BANK1: variants seen among roughly 807,000 people sequenced by gnomAD.
The protein encoded by BANK1 is B cell scaffold protein with ankyrin repeats 1, also known as B-cell scaffold protein with ankyrin repeats.
A neutral mutation model predicts 94.5 loss-of-function variants in BANK1; 95 were observed. The ratio of observed to expected loss-of-function variants is 1.00; its 90% confidence interval spans 0.85 to 1.19. The LOEUF (loss-of-function observed/expected upper bound fraction) is 1.19, where lower values mean the gene tolerates loss of function less well. Among genes scored for constraint, BANK1 ranks in the 50% most tolerant of loss-of-function variants. The pLI is 0.00. For synonymous variants in BANK1, 334 were observed against 308.4 expected (o/e 1.08, Z -0.87); for missense variants, 987 against 932.2 (o/e 1.06, Z -0.77).
chr4:101,895,360 CATATT>C lies in BANK1; in HGVS notation c.962_966del (p.Tyr321Ter), dbSNP rs1560621283. The C allele has an allele frequency of 7.5e-6, 12 of 1,593,990 alleles. No individual in the cohort carries two copies. The highest frequency in any genetic ancestry group is 1.0e-5 in the Non-Finnish European group (12 of 1,170,256). The stretch of plus-strand genomic sequence containing the variant: ...ACATCCATATTCAAACATGAGATAC[CATATT>C]ATGAGTTCCAGTCTCTTCAAACTGA... On this transcript the variant is annotated frameshift_variant, in exon 6 of 17. Coordinates refer to ENST00000322953, the MANE Select transcript of BANK1 (RefSeq NM_017935.5). LOFTEE classifies it high-confidence loss of function.
At chr4:101,910,375 C>T (rs879572522) in intron 6 of BANK1, among the ~76,000 whole-genome samples, 7 of 151,998 alleles carry the variant, frequency 4.6e-5, no homozygotes, top group African/African-American at 9.7e-5. Context: ...CATCTGTGTC[C>T]TTGAATTAAA....
intron 2 of BANK1, among the ~76,000 whole-genome samples, chr4:101,836,783 T>TCC (rs552980538): frequency 1.6e-3 from 248 of 152,322 alleles, no homozygotes; most frequent in African/African-American, 5.9e-3. Context: ...TCTGTACTCT[T>TCC]CAACAGTATT....
At chr4:102,066,279 CAG>C (rs1338088066) in intron 13 of BANK1, among the ~76,000 whole-genome samples, 1 of 143,240 alleles carries the variant, frequency 7.0e-6, no homozygotes, top group Non-Finnish European at 1.5e-5. Context: ...TTTCTCAAGA[CAG>C]AGTCTCGCTC....
At chr4:101,877,179 A>G (rs1250206908) in intron 5 of BANK1, among the ~76,000 whole-genome samples, 2 of 152,194 alleles carry the variant, frequency 1.3e-5, no homozygotes, top group Non-Finnish European at 2.9e-5. Flanking sequence ...AGAGAAAGAT[A>G]TCAATGTCCA....
At chr4:102,063,167 A>ATAAT (rs1167702040) in intron 13 of BANK1, 29 bp downstream of exon 13, 1 of 1,579,286 alleles carries the variant, frequency 6.3e-7, no homozygotes, top group East Asian at 2.2e-5. Context: ...CTATTCAAAA[A>ATAAT]TAATAGAGTG....
At chr4:101,990,803 G>A (rs1725677225) in intron 7 of BANK1, among the ~76,000 whole-genome samples, 1 of 151,990 alleles carries the variant, frequency 6.6e-6, no homozygotes, top group African/African-American at 2.4e-5. Context: ...AGAAAATTTA[G>A]GCAAATTATT....
At chr4:101,802,313 A>G (rs1260713612) in intron 1 of BANK1, among the ~76,000 whole-genome samples, 1 of 152,262 alleles carries the variant, frequency 6.6e-6, no homozygotes, top group Non-Finnish European at 1.5e-5. Context: ...CTTTAGTGAC[A>G]TAATCAGAAT....
intron 7 of BANK1, among the ~76,000 whole-genome samples, chr4:101,940,721 G>T (rs1187462026): frequency 6.6e-6 from 1 of 151,790 alleles, no homozygotes; most frequent in Non-Finnish European, 1.5e-5. Context: ...GTTCTGAGGA[G>T]AAAGACCATG....
intron 7 of BANK1, among the ~76,000 whole-genome samples, chr4:101,975,442 G>T (rs908975041): frequency 1.3e-5 from 2 of 152,160 alleles, no homozygotes; most frequent in Admixed American, 6.5e-5. Context: ...GTTCATTAGA[G>T]AGATTGTAGA....
chr4:102,061,314 A>C (rs1173462896), intron 12 of BANK1: 1 of 152,224 alleles, frequency 6.6e-6, no homozygotes, highest in Non-Finnish European at 1.5e-5. Context: ...AGTACATCTG[A>C]GATCATGCCT....
chr4:101,903,420 C>T (rs1404343240), intron 6 of BANK1, among the ~76,000 whole-genome samples: 1 of 152,022 alleles, frequency 6.6e-6, no homozygotes, highest in African/African-American at 2.4e-5. Flanking sequence ...ATCATAGTAG[C>T]AATTTGATGT....
intron 5 of BANK1, among the ~76,000 whole-genome samples, chr4:101,888,507 TA>T (rs1728936193): frequency 6.6e-6 from 1 of 152,198 alleles, no homozygotes; most frequent in Admixed American, 6.5e-5. Flanking sequence ...ATTCTTTACT[TA>T]AATACTATTT....
In BANK1 at chr4:101,790,739, C is replaced by A; in HGVS notation, c.-142C>A. ...CGGGGCTGCGTTTCCTGAGACCTGG[C>A]CGCAGCCTCCGCGGGTGGCAAGCGG... is the stretch of plus-strand genomic sequence containing the variant. On this transcript the variant is annotated 5_prime_UTR_variant, in exon 1 of 17. Transcript: ENST00000322953. 4.4e-6 allele frequency: 4 copies of A among 902,470 alleles called. No homozygotes were observed. Among genetic ancestry groups the A allele is most frequent in the Middle Eastern group, 3.0e-4 (1 of 3,282 alleles). 55.9% of individuals were successfully genotyped at this position (902,470 alleles called of 1,614,324 possible).
At chr4:101,911,509 G>A (rs1357964619) in intron 6 of BANK1, among the ~76,000 whole-genome samples, 1 of 149,700 alleles carries the variant, frequency 6.7e-6, no homozygotes, top group Non-Finnish European at 1.5e-5. Context: ...TTAGGAAGAA[G>A]CCCCATTGGG....
chr4:101,927,963 G>A (rs1031014507), intron 7 of BANK1, among the ~76,000 whole-genome samples: 3 of 151,622 alleles, frequency 2.0e-5, no homozygotes, highest in East Asian at 2.0e-4. Flanking sequence ...TTTCACAGAT[G>A]AGGTAGTGGA....
At chr4:102,072,469 C>A in intron 15 of BANK1, 69 bp downstream of exon 15, 1 of 1,168,532 alleles carries the variant, frequency 8.6e-7, no homozygotes, top group Non-Finnish European at 1.3e-6. Context: ...AACATGAGAG[C>A]CTTCTATCCT....
rs187625116 is a variant in BANK1, at chr4:102,059,079, T to G, written c.1970-1132T>G. On this transcript the variant is annotated intron_variant, in intron 11 of 16. Transcript: ENST00000322953. ...ACTTGAAACCTCTTTTCCAGAACAA[T>G]CAATCCTAGTTATATCAACAAATTC... is the stretch of plus-strand genomic sequence containing the variant. 1.6e-3 allele frequency among the ~76,000 whole-genome samples: 250 copies of G among 152,286 alleles called. 1 individual carries two copies. The highest frequency in any genetic ancestry group is 5.8e-3 in the African/African-American group (243 of 41,570).
chr4:101,922,067 A>C, intron 7 of BANK1, among the ~76,000 whole-genome samples: 1 of 147,274 alleles, frequency 6.8e-6, no homozygotes, highest in Admixed American at 6.8e-5. Flanking sequence ...AGACAGAGAG[A>C]TTTTGTTGCC....
rs531773364 is a variant in BANK1, at chr4:101,949,124, G to C, written c.1206+30935G>C. 5.3e-5 allele frequency among the ~76,000 whole-genome samples: 8 copies of C among 152,068 alleles called. No homozygotes were observed. In the East Asian group the frequency reaches 1.6e-3, roughly 30 times the overall value. On this transcript the variant is annotated intron_variant, in intron 7 of 16. Coordinates refer to ENST00000322953, the MANE Select transcript of BANK1 (RefSeq NM_017935.5). ...GTCAGCTGGGATCTGGCTTGTTTAG[G>C]ATGGTTTCAAGATGACCCTAGGATG...
Sources: allele counts gnomAD v4.1 joint callset (sites outside exome capture counted in the v4.1 genomes callset), GRCh38; gene constraint gnomAD v4.1.1; transcripts MANE v1.5; gene names NCBI Gene and HGNC (gene_info 2026-07-23, HGNC 2026-07-21).